Variants in L3MBTL4 observed in about 807,000 individuals in gnomAD.
The protein encoded by L3MBTL4 is lethal(3)malignant brain tumor-like protein 4.
A neutral mutation model predicts 84.5 loss-of-function variants in L3MBTL4; 70 were observed. The observed-to-expected ratio is 0.83, with a 90% confidence interval of 0.68 to 1.01. The LOEUF is 1.01. Ranked by LOEUF, L3MBTL4 falls within the 50% of genes least tolerant of loss-of-function variation. The pLI is 0.00. For missense variants in L3MBTL4, 715 were observed against 754.8 expected (o/e 0.95, Z 0.62); for synonymous variants, 274 against 259.8 (o/e 1.05, Z -0.52).
chr18:6,375,851 G>T (rs1482894646), intron 1 of L3MBTL4, among the ~76,000 whole-genome samples: 1 of 152,150 alleles, frequency 6.6e-6, no homozygotes, highest in East Asian at 1.9e-4. Context: ...GCAGCAATGT[G>T]AGCAGAGCCA....
At chr18:6,249,385 C>G (rs1311176893) in intron 5 of L3MBTL4, among the ~76,000 whole-genome samples, 2 of 152,306 alleles carry the variant, frequency 1.3e-5, no homozygotes, top group South Asian at 4.1e-4. Context: ...ACTATACTGT[C>G]TTATCACACG....
At chr18:6,355,077 A>T (rs2053374934) in intron 1 of L3MBTL4, among the ~76,000 whole-genome samples, 2 of 152,234 alleles carry the variant, frequency 1.3e-5, no homozygotes, top group South Asian at 4.1e-4. Context: ...TGTGGTACTT[A>T]TACACAGTGG....
chr18:6,087,732 T>C (rs567359169), intron 15 of L3MBTL4, among the ~76,000 whole-genome samples: 27 of 152,350 alleles, frequency 1.8e-4, no homozygotes, highest in African/African-American at 6.0e-4. Flanking sequence ...CCGCTAGAAC[T>C]GGTCCAACTG....
chr18:6,288,506 TG>T (rs1339558112), intron 4 of L3MBTL4, among the ~76,000 whole-genome samples: 29 of 152,194 alleles, frequency 1.9e-4, no homozygotes, highest in African/African-American at 7.0e-4. Flanking sequence ...AGTAAACATC[TG>T]CTAAATGTTT....
intron 4 of L3MBTL4, 24 bp from the exon 5 acceptor site, chr18:6,264,062 T>C (rs746489458): frequency 2.6e-5 from 39 of 1,519,686 alleles, no homozygotes; most frequent in Non-Finnish European, 3.4e-5. Flanking sequence ...CACAATGACT[T>C]TTCTCAAAAT....
Position 5,982,169 on chromosome 18 carries a change from G to C in L3MBTL4, c.1445-12607C>G, listed in dbSNP as rs138841073. Reference sequence around the variant, plus strand: ...TGCGTTTCAACCTCCTATTTAAAGAGAGTCCTGCTAGTGGAGCTACGAGCT... The same window carrying C: ...TGCGTTTCAACCTCCTATTTAAAGACAGTCCTGCTAGTGGAGCTACGAGCT... On this transcript the variant is annotated intron_variant, in intron 16 of 18. Coordinates refer to ENST00000317931, the MANE Select transcript of L3MBTL4 (RefSeq NM_001330559.2). Among the ~76,000 whole-genome samples, 535 of 152,262 alleles carry C rather than the reference G, an allele frequency of 3.5e-3. 3 individuals are homozygous for C. The highest frequency in any genetic ancestry group is 0.012 in the African/African-American group (501 of 41,538).
At chr18:6,210,731 C>T (rs1241167692) in intron 12 of L3MBTL4, among the ~76,000 whole-genome samples, 1 of 152,204 alleles carries the variant, frequency 6.6e-6, no homozygotes, top group Non-Finnish European at 1.5e-5. Context: ...CAAACACAGG[C>T]ATGCAGCACA....
intron 4 of L3MBTL4, among the ~76,000 whole-genome samples, chr18:6,274,499 G>C (rs1263323300): frequency 6.6e-6 from 1 of 152,172 alleles, no homozygotes; most frequent in African/African-American, 2.4e-5. Context: ...GAGCAAGCTT[G>C]AGTGATTTCT....
At chr18:6,038,358 A>G (rs1014306931) in intron 16 of L3MBTL4, among the ~76,000 whole-genome samples, 39 of 146,276 alleles carry the variant, frequency 2.7e-4, no homozygotes, top group African/African-American at 9.9e-4. Flanking sequence ...GGTTCACGCC[A>G]TTCTCCTGCC....
chr18:5,994,443 C>T lies in L3MBTL4; in HGVS notation c.1445-24881G>A, dbSNP rs116364953. On this transcript the variant is annotated intron_variant, in intron 16 of 18. Transcript: ENST00000317931. ...ATGCTCACATGGCACTTACTATGTA[C>T]CTGCCACTTCTTGTTCTAATTTTTC... 6.1e-3 allele frequency among the ~76,000 whole-genome samples: 930 copies of T among 152,312 alleles called. 10 individuals carry two copies. The highest frequency in any genetic ancestry group is 0.021 in the African/African-American group (893 of 41,556).
chr18:5,968,695 T>C (rs1015081269), intron 17 of L3MBTL4, among the ~76,000 whole-genome samples: 15 of 93,468 alleles, frequency 1.6e-4, no homozygotes, highest in African/African-American at 5.9e-4. Context: ...AGACCTTGTC[T>C]CTAAATAAAA....
chr18:6,336,456 T>G (rs943344357), intron 1 of L3MBTL4, among the ~76,000 whole-genome samples: 5 of 152,048 alleles, frequency 3.3e-5, no homozygotes, highest in Admixed American at 3.3e-4. Context: ...GCCATAAACA[T>G]TATAATGCAA....
At chr18:6,205,571 C>T (rs2045839696) in intron 12 of L3MBTL4, among the ~76,000 whole-genome samples, 1 of 152,138 alleles carries the variant, frequency 6.6e-6, no homozygotes, top group Non-Finnish European at 1.5e-5. Context: ...AGTAAAACAA[C>T]TACATTCTGG....
At position 6,290,065 on chromosome 18, in the gene L3MBTL4, C is replaced by G. The variant is rs556215503; in HGVS notation, c.127+11838G>C. On this transcript the variant is annotated intron_variant, in intron 4 of 18. Transcript: ENST00000317931. The stretch of plus-strand genomic sequence containing the variant: ...CCTCCTGAGTGGCTGGGACCACAGA[C>G]ACGTGTCACCACACCCGGCTAATTT... 6.6e-5 allele frequency among the ~76,000 whole-genome samples: 10 copies of G among 152,236 alleles called. No homozygotes were observed. The South Asian group carries it at 1.9e-3, about 28-fold the overall frequency.
intron 1 of L3MBTL4, among the ~76,000 whole-genome samples, chr18:6,398,743 C>A (rs946949705): frequency 5.6e-5 from 1 of 17,956 alleles, no homozygotes; most frequent in Non-Finnish European, 1.1e-4. Flanking sequence ...GACTTCATTG[C>A]GGGGGGGCGG....
chr18:6,277,945 A>T (rs2049160371), intron 4 of L3MBTL4, among the ~76,000 whole-genome samples: 2 of 152,214 alleles, frequency 1.3e-5, no homozygotes, highest in East Asian at 1.9e-4. Context: ...GTGTCTTATC[A>T]TCTGTAAATA....
intron 4 of L3MBTL4, among the ~76,000 whole-genome samples, chr18:6,271,345 C>T (rs1342070429): frequency 2.0e-5 from 3 of 152,040 alleles, no homozygotes; most frequent in African/African-American, 7.3e-5. Context: ...ACTTTGTACA[C>T]ACTAAAGTAA....
chr18:5,997,727 G>C (rs969380458), intron 16 of L3MBTL4, among the ~76,000 whole-genome samples: 4 of 152,008 alleles, frequency 2.6e-5, no homozygotes, highest in African/African-American at 9.7e-5. Flanking sequence ...ATCACCTTGG[G>C]CACATGTCCT....
chr18:5,999,046 T>C (rs1258388745), intron 16 of L3MBTL4, among the ~76,000 whole-genome samples: 1 of 152,166 alleles, frequency 6.6e-6, no homozygotes, highest in Non-Finnish European at 1.5e-5. Context: ...GAAGGAACAC[T>C]CTTTAGCATG....
Sources: allele counts gnomAD v4.1 joint callset (sites outside exome capture counted in the v4.1 genomes callset), GRCh38; gene constraint gnomAD v4.1.1; transcripts MANE v1.5; gene names NCBI Gene and HGNC (gene_info 2026-07-23, HGNC 2026-07-21).